Variants in ACTR3C observed in about 807,000 individuals in gnomAD.
The protein encoded by ACTR3C is actin related protein 3C.
ACTR3C carries 18 observed loss-of-function variants against 26.3 expected under a neutral mutation model. That is an observed-to-expected ratio of 0.68 (90% CI 0.47 to 1.01). ACTR3C has a LOEUF of 1.01. ACTR3C is among the 50% of genes least tolerant of loss of function. The pLI is 0.00. For missense variants in ACTR3C, 184 were observed against 250.7 expected, an observed-to-expected ratio of 0.73 and a Z score of 1.80; for synonymous variants, 55 against 94.5, an observed-to-expected ratio of 0.58 and a Z score of 2.42.
the ACTR3C span, among the ~76,000 whole-genome samples, chr7:150,032,403 C>A: frequency 6.6e-6 from 1 of 152,190 alleles, no homozygotes; most frequent in East Asian, 1.9e-4. Flanking sequence ...CAGTCCTGTT[C>A]CTGTCTGTGC....
chr7:150,264,269 A>G (rs2129610299), intron 6 of ACTR3C, among the ~76,000 whole-genome samples: 1 of 152,372 alleles, frequency 6.6e-6, no homozygotes. Flanking sequence ...TGTCCAGCTC[A>G]GCACGGAATA....
the ACTR3C span, among the ~76,000 whole-genome samples, chr7:150,153,360 T>C: frequency 6.8e-6 from 1 of 147,580 alleles, no homozygotes; most frequent in Non-Finnish European, 1.5e-5. Context: ...TACAATGAAC[T>C]CAAACACATT....
the ACTR3C span, among the ~76,000 whole-genome samples, chr7:150,071,689 G>A: frequency 2.0e-5 from 3 of 149,628 alleles, no homozygotes; most frequent in African/African-American, 7.4e-5. Flanking sequence ...GTGTGAGGAT[G>A]GTGTGGTCGG....
the ACTR3C span, among the ~76,000 whole-genome samples, chr7:150,098,153 C>A: frequency 1.3e-5 from 2 of 151,698 alleles, no homozygotes; most frequent in Admixed American, 1.3e-4. Context: ...TTTAGAGACA[C>A]CTACTATAGC....
At chr7:149,942,966 G>A in the ACTR3C span, among the ~76,000 whole-genome samples, 2 of 151,860 alleles carry the variant, frequency 1.3e-5, no homozygotes, top group African/African-American at 2.4e-5. Flanking sequence ...TTGAACTATG[G>A]CTAAAACTCT....
At chr7:150,035,247 G>C in the ACTR3C span, among the ~76,000 whole-genome samples, 1 of 99,652 alleles carries the variant, frequency 1.0e-5, no homozygotes, top group Non-Finnish European at 2.2e-5. Flanking sequence ...AGAGCCAGTG[G>C]GGGAACCAGG....
chr7:149,972,019 C>T, the ACTR3C span, among the ~76,000 whole-genome samples: 15 of 152,166 alleles, frequency 9.9e-5, no homozygotes, highest in African/African-American at 2.9e-4. Flanking sequence ...TTTCCAGGTT[C>T]GGAACACAAT....
At chr7:150,192,550 C>T in the ACTR3C span, among the ~76,000 whole-genome samples, 1 of 152,208 alleles carries the variant, frequency 6.6e-6, no homozygotes, top group African/African-American at 2.4e-5. Context: ...GATCCTCCCA[C>T]CTCAGCCTCC....
chr7:150,088,327 C>T, the ACTR3C span, among the ~76,000 whole-genome samples: 82,934 of 152,024 alleles, frequency 0.55, 23,527 homozygotes, highest in East Asian at 0.73. Context: ...TCCATCTGGT[C>T]CTATTATGCA....
the ACTR3C span, among the ~76,000 whole-genome samples, chr7:150,227,044 T>C: frequency 6.8e-6 from 1 of 146,882 alleles, no homozygotes; most frequent in South Asian, 2.1e-4. Context: ...TAAAATGTGA[T>C]GTTTTGACCT....
chr7:150,124,443 T>A, the ACTR3C span, among the ~76,000 whole-genome samples: 14 of 152,166 alleles, frequency 9.2e-5, no homozygotes, highest in Non-Finnish European at 8.8e-5. Context: ...TGGTTCTTCG[T>A]GTTTCTGTTG....
At chr7:150,021,109 C>A in the ACTR3C span, among the ~76,000 whole-genome samples, 9 of 151,772 alleles carry the variant, frequency 5.9e-5, no homozygotes, top group Non-Finnish European at 1.2e-4. Context: ...GTGTGAGGCA[C>A]TGCACCCAGC....
the ACTR3C span, among the ~76,000 whole-genome samples, chr7:150,168,701 C>G: frequency 6.6e-5 from 10 of 150,614 alleles, no homozygotes; most frequent in African/African-American, 2.0e-4. Context: ...TTTACTTAGG[C>G]GTCCTCCACA....
the ACTR3C span, among the ~76,000 whole-genome samples, chr7:149,980,077 G>A: frequency 6.6e-6 from 1 of 152,140 alleles, no homozygotes; most frequent in Non-Finnish European, 1.5e-5. Flanking sequence ...GACAGGTCTT[G>A]ACTAATTGAG....
the ACTR3C span, among the ~76,000 whole-genome samples, chr7:149,938,940 TA>T: frequency 2.1e-5 from 1 of 46,700 alleles, no homozygotes; most frequent in Admixed American, 2.0e-4. Flanking sequence ...TATATATAAA[TA>T]TATGTATATA....
chr7:150,309,832 C>T (rs1201329751), intron 1 of ACTR3C, among the ~76,000 whole-genome samples: 1 of 152,168 alleles, frequency 6.6e-6, no homozygotes, highest in African/African-American at 2.4e-5. Flanking sequence ...ACTGATGCTG[C>T]CCGATCACCT....
the ACTR3C span, among the ~76,000 whole-genome samples, chr7:149,888,514 C>T: frequency 6.6e-6 from 1 of 152,242 alleles, no homozygotes; most frequent in African/African-American, 2.4e-5. Context: ...TTCCACTTCT[C>T]TAATTTGCCT....
chr7:150,033,528 G>A, the ACTR3C span, among the ~76,000 whole-genome samples: 1 of 152,072 alleles, frequency 6.6e-6, no homozygotes, highest in Non-Finnish European at 1.5e-5. Context: ...CTAAGGATCT[G>A]AGGATCCACA....
At chr7:150,101,689 A>G in the ACTR3C span, among the ~76,000 whole-genome samples, 1 of 151,746 alleles carries the variant, frequency 6.6e-6, no homozygotes. Flanking sequence ...GTCACTTGAG[A>G]GTCTCACAGA....
Sources: allele counts gnomAD v4.1 joint callset (sites outside exome capture counted in the v4.1 genomes callset), GRCh38; gene constraint gnomAD v4.1.1; transcripts MANE v1.5; gene names NCBI Gene and HGNC (gene_info 2026-07-23, HGNC 2026-07-21).